ZNF385D: variants seen among roughly 807,000 people sequenced by gnomAD.
ZNF385D encodes the protein zinc finger protein 385D, also known as zinc finger protein 659.
In ZNF385D, 15 loss-of-function variants were observed where a neutral mutation model predicts 35.8. That is an observed-to-expected ratio of 0.42 (90% confidence interval 0.28 to 0.64). ZNF385D has a LOEUF of 0.64. Among genes scored for constraint, ZNF385D ranks in the 30% least tolerant of loss-of-function variants. The pLI is 0.23. For synonymous variants in ZNF385D, 212 were observed against 186.8 expected, an observed-to-expected ratio of 1.13 and a Z score of -1.10; for missense variants, 474 against 494.6, an observed-to-expected ratio of 0.96 and a Z score of 0.39.
chr3:22,086,523 C>G (rs1260272110), intron 3 of ZNF385D, among the ~76,000 whole-genome samples: 1 of 152,130 alleles, frequency 6.6e-6, no homozygotes, highest in Non-Finnish European at 1.5e-5. Flanking sequence ...AGGAGAACTA[C>G]AAACCACTGC....
At chr3:21,812,434 T>G (rs980743509) in intron 3 of ZNF385D, among the ~76,000 whole-genome samples, 1 of 152,194 alleles carries the variant, frequency 6.6e-6, no homozygotes, top group East Asian at 1.9e-4. Flanking sequence ...GTTGGGGAAT[T>G]CCCTTTCCCA....
chr3:22,259,392 T>C (rs2728988), intron 2 of ZNF385D, among the ~76,000 whole-genome samples: 56,141 of 151,626 alleles, frequency 0.37, 10,544 homozygotes, highest in African/African-American at 0.4. Flanking sequence ...ATTTTATGCT[T>C]GCTTGACTCT....
At chr3:22,256,218 T>C (rs1261246508) in intron 2 of ZNF385D, among the ~76,000 whole-genome samples, 2 of 122,416 alleles carry the variant, frequency 1.6e-5, no homozygotes, top group African/African-American at 8.0e-5. Context: ...TACATATATA[T>C]ACACACATAT....
intron 3 of ZNF385D, among the ~76,000 whole-genome samples, chr3:21,756,364 A>G (rs754826160): frequency 6.6e-6 from 1 of 152,160 alleles, no homozygotes. Flanking sequence ...CAGAATTTCC[A>G]CTAATTCAGG....
intron 2 of ZNF385D, among the ~76,000 whole-genome samples, chr3:22,285,682 C>A (rs1238344236): frequency 1.3e-5 from 2 of 152,070 alleles, no homozygotes; most frequent in Non-Finnish European, 2.9e-5. Context: ...TCCCTCCCCC[C>A]TCTCCCCACC....
chr3:21,916,891 A>G (rs1369187711), intron 3 of ZNF385D, among the ~76,000 whole-genome samples: 2 of 152,212 alleles, frequency 1.3e-5, no homozygotes, highest in African/African-American at 4.8e-5. Context: ...GAATTACCCT[A>G]TGGAAAGATA....
chr3:22,164,770 T>G (rs1301859600), intron 3 of ZNF385D, among the ~76,000 whole-genome samples: 1 of 152,130 alleles, frequency 6.6e-6, no homozygotes, highest in Non-Finnish European at 1.5e-5. Context: ...GGACCTCATG[T>G]GGCTGTGTTA....
upstream of ZNF385D, among the ~76,000 whole-genome samples, chr3:21,753,309 T>C (rs1250375278): frequency 1.3e-5 from 2 of 152,192 alleles, no homozygotes; most frequent in East Asian, 1.9e-4. Flanking sequence ...CAGGTTTCCT[T>C]CTTCAAATAA....
rs771356978 is a variant in ZNF385D, at chr3:21,437,086, C to T, written c.557G>A (p.Gly186Asp). 9 of 1,613,998 alleles carry T rather than the reference C, an allele frequency of 5.6e-6. No homozygotes were observed. The highest frequency in any genetic ancestry group is 2.2e-5 in the South Asian group (2 of 91,090). Residue 186 changes from glycine (G) to aspartate (D), a missense_variant, in exon 5 of 8, where the codon GGC (glycine) becomes GAC (aspartate). Transcript: ENST00000281523. ...KVEKSPTTAT[G>D]NSSCPSTETE... ...CTCAGTAGAAGGACATGAGCTATTG[C>T]CAGTGGCTGTCGTTGGGCTTTTTTC...
intron 2 of ZNF385D, among the ~76,000 whole-genome samples, chr3:22,368,240 T>C (rs1696743812): frequency 6.6e-6 from 1 of 152,194 alleles, no homozygotes; most frequent in African/African-American, 2.4e-5. Flanking sequence ...TGTTCTAGTA[T>C]ACTCTACTGG....
chr3:21,839,872 T>A (rs558278834), intron 3 of ZNF385D, among the ~76,000 whole-genome samples: 12 of 151,882 alleles, frequency 7.9e-5, no homozygotes, highest in Non-Finnish European at 1.8e-4. Context: ...ACTGGAGGGG[T>A]CAGAAATTGC....
intron 3 of ZNF385D, among the ~76,000 whole-genome samples, chr3:21,804,368 T>C (rs935836024): frequency 6.6e-6 from 1 of 152,124 alleles, no homozygotes; most frequent in African/African-American, 2.4e-5. Context: ...TGAACAGGGG[T>C]GGTGGTAGCA....
At chr3:21,615,884 A>C (rs2064833352) in intron 2 of ZNF385D, among the ~76,000 whole-genome samples, 1 of 151,872 alleles carries the variant, frequency 6.6e-6, no homozygotes, top group Non-Finnish European at 1.5e-5. Flanking sequence ...AAGGCATACC[A>C]AGCTAATCTA....
chr3:21,504,871 T>C (rs1200010267), intron 4 of ZNF385D, among the ~76,000 whole-genome samples: 1 of 152,154 alleles, frequency 6.6e-6, no homozygotes, highest in Non-Finnish European at 1.5e-5. Context: ...ATGTGGTTTA[T>C]GTACTGTAGA....
intron 1 of ZNF385D, among the ~76,000 whole-genome samples, chr3:21,674,346 C>G (rs1575438895): frequency 6.6e-6 from 1 of 152,068 alleles, no homozygotes; most frequent in East Asian, 1.9e-4. Flanking sequence ...ATTATTTTCT[C>G]CACTTTGACT....
intron 3 of ZNF385D, among the ~76,000 whole-genome samples, chr3:21,544,441 T>C (rs77963107): frequency 6.6e-6 from 1 of 152,128 alleles, no homozygotes; most frequent in African/African-American, 2.4e-5. Context: ...TGTTTTGTGT[T>C]TTTTTTAGTG....
At chr3:21,781,596 T>C (rs1268858018) in intron 3 of ZNF385D, among the ~76,000 whole-genome samples, 1 of 152,084 alleles carries the variant, frequency 6.6e-6, no homozygotes, top group Admixed American at 6.6e-5. Flanking sequence ...TTCATGAATG[T>C]TGACTCTAAT....
At chr3:21,763,013 T>A (rs1008707936) in intron 3 of ZNF385D, among the ~76,000 whole-genome samples, 8 of 152,224 alleles carry the variant, frequency 5.3e-5, no homozygotes, top group African/African-American at 1.4e-4. Flanking sequence ...TGTCATTGAG[T>A]AGGTACTCAA....
chr3:22,131,664 T>A (rs62248879), intron 3 of ZNF385D, among the ~76,000 whole-genome samples: 31,318 of 151,734 alleles, frequency 0.21, 3,548 homozygotes, highest in Non-Finnish European at 0.27. Flanking sequence ...TATCCAGAGG[T>A]AAAGGAGTGA....
Sources: gnomAD v4.1 joint callset for allele counts (sites outside exome capture counted in the v4.1 genomes callset) on GRCh38, gnomAD v4.1.1 for gene constraint, MANE v1.5 for transcripts, NCBI Gene and HGNC (gene_info 2026-07-23, HGNC 2026-07-21) for gene names.